The following ROBO2 variants were observed in gnomAD, a reference collection of about 807,000 sequenced individuals.
ROBO2 encodes roundabout guidance receptor 2, also known as roundabout homolog 2.
In ROBO2, 53 loss-of-function variants were observed where a neutral mutation model predicts 160.8. That is an observed-to-expected ratio of 0.33 (90% CI 0.26 to 0.41). ROBO2 has a LOEUF of 0.41. ROBO2 is among the 10% of genes least tolerant of loss of function. The pLI is 1.00. For synonymous variants in ROBO2, 664 were observed against 611.7 expected (o/e 1.09, Z -1.26); for missense variants, 1,577 against 1,722.4 (o/e 0.92, Z 1.49).
chr3:77,283,927 G>A (rs1306712789), intron 2 of ROBO2, among the ~76,000 whole-genome samples: 1 of 152,110 alleles, frequency 6.6e-6, no homozygotes, highest in Non-Finnish European at 1.5e-5. Context: ...ATCAGATTAT[G>A]CTTTACTTTT....
intron 2 of ROBO2, among the ~76,000 whole-genome samples, chr3:76,676,260 TTC>T (rs1376662347): frequency 6.6e-6 from 1 of 152,076 alleles, no homozygotes; most frequent in Non-Finnish European, 1.5e-5. Flanking sequence ...TGAGAGTGAT[TTC>T]TCATGAGATC....
intron 2 of ROBO2, among the ~76,000 whole-genome samples, chr3:76,140,560 T>A (rs1450825721): frequency 6.6e-6 from 1 of 151,928 alleles, no homozygotes; most frequent in Non-Finnish European, 1.5e-5. Context: ...CACTTTATAG[T>A]CTACCTGCCA....
chr3:76,395,426 C>T (rs2077382071), intron 2 of ROBO2, among the ~76,000 whole-genome samples: 1 of 142,972 alleles, frequency 7.0e-6, no homozygotes, highest in East Asian at 2.0e-4. Context: ...ACTAGAAAAG[C>T]AAGAGCAAAC....
chr3:77,629,688 T>C (rs2095116155), intron 23 of ROBO2: 1 of 152,228 alleles, frequency 6.6e-6, no homozygotes, highest in Non-Finnish European at 1.5e-5. Flanking sequence ...AGTGTCATCA[T>C]ATTCCTTATT....
chr3:76,240,819 G>A (rs1705239609), intron 2 of ROBO2, among the ~76,000 whole-genome samples: 1 of 152,118 alleles, frequency 6.6e-6, no homozygotes, highest in African/African-American at 2.4e-5. Flanking sequence ...AACACTGAGG[G>A]TTTTGGGCTG....
intron 2 of ROBO2, among the ~76,000 whole-genome samples, chr3:76,345,078 T>G (rs1164923680): frequency 6.6e-6 from 1 of 152,078 alleles, no homozygotes; most frequent in Admixed American, 6.6e-5. Flanking sequence ...GTGATGATGG[T>G]TTAAATTTTG....
intron 1 of ROBO2, among the ~76,000 whole-genome samples, chr3:77,088,376 A>G (rs1445498150): frequency 2.0e-5 from 3 of 152,142 alleles, no homozygotes; most frequent in South Asian, 4.1e-4. Context: ...AATTAATTAC[A>G]TATCTATTTA....
intron 2 of ROBO2, among the ~76,000 whole-genome samples, chr3:76,490,128 A>G (rs2079734491): frequency 6.6e-6 from 1 of 152,272 alleles, no homozygotes; most frequent in African/African-American, 2.4e-5. Flanking sequence ...TTAAAATGTC[A>G]CAGTCTTTTC....
chr3:76,927,799 G>A (rs1194921553), intron 2 of ROBO2, among the ~76,000 whole-genome samples: 1 of 152,042 alleles, frequency 6.6e-6, no homozygotes, highest in East Asian at 1.9e-4. Context: ...GTGAGTGCAT[G>A]GTCATTCAGT....
At chr3:76,352,486 T>G (rs1282262187) in intron 2 of ROBO2, among the ~76,000 whole-genome samples, 6 of 152,024 alleles carry the variant, frequency 3.9e-5, no homozygotes, top group Admixed American at 2.6e-4. Flanking sequence ...ATAGCTAGAA[T>G]AATTATGTGG....
chr3:77,616,023 A>C (rs1160320650), intron 21 of ROBO2, among the ~76,000 whole-genome samples: 5 of 152,226 alleles, frequency 3.3e-5, no homozygotes, highest in Non-Finnish European at 5.9e-5. Context: ...TAAGAATGAC[A>C]GCTTTCTTGA....
intron 2 of ROBO2, among the ~76,000 whole-genome samples, chr3:76,603,372 A>AAT (rs2087385402): frequency 3.6e-5 from 5 of 137,472 alleles, no homozygotes; most frequent in African/African-American, 1.4e-4. Flanking sequence ...ATATATATAT[A>AAT]TATATATATA....
intron 2 of ROBO2, among the ~76,000 whole-genome samples, chr3:77,343,680 T>C (rs904372671): frequency 3.3e-5 from 5 of 152,148 alleles, no homozygotes; most frequent in African/African-American, 1.2e-4. Flanking sequence ...GCTCTTGACA[T>C]ACAAATGAAG....
chr3:77,103,765 T>C (rs1396237729), intron 2 of ROBO2, among the ~76,000 whole-genome samples: 1 of 152,144 alleles, frequency 6.6e-6, no homozygotes, highest in Non-Finnish European at 1.5e-5. Context: ...AATGCTCCTG[T>C]TTGCTTAAAT....
At chr3:76,240,414 C>T (rs564005746) in intron 2 of ROBO2, among the ~76,000 whole-genome samples, 55 of 152,012 alleles carry the variant, frequency 3.6e-4, no homozygotes, top group African/African-American at 1.3e-3. Context: ...GTTGGTTAAC[C>T]GGATGTCCAG....
intron 2 of ROBO2, among the ~76,000 whole-genome samples, chr3:77,403,597 T>A (rs1404584873): frequency 7.7e-5 from 7 of 90,800 alleles, no homozygotes; most frequent in Non-Finnish European, 1.5e-4. Flanking sequence ...TGTGTGTGTG[T>A]GTGTGTGTGT....
chr3:77,465,888 G>A (rs1284767872), intron 2 of ROBO2, among the ~76,000 whole-genome samples: 5 of 152,108 alleles, frequency 3.3e-5, no homozygotes, highest in African/African-American at 1.2e-4. Context: ...TGAGTTTTCT[G>A]AGATAATTTA....
chr3:76,612,118 T>C (rs936050568), intron 2 of ROBO2, among the ~76,000 whole-genome samples: 3 of 152,230 alleles, frequency 2.0e-5, no homozygotes, highest in Non-Finnish European at 2.9e-5. Context: ...TCAAAGAAGA[T>C]ACCTGATATG....
intron 2 of ROBO2, among the ~76,000 whole-genome samples, chr3:76,843,139 A>G (rs2068451094): frequency 6.6e-6 from 1 of 151,532 alleles, no homozygotes; most frequent in African/African-American, 2.4e-5. Flanking sequence ...AATGCCATCA[A>G]TCACAGCATT....
Sources: gnomAD v4.1 joint callset for allele counts (sites outside exome capture counted in the v4.1 genomes callset) on GRCh38, gnomAD v4.1.1 for gene constraint, MANE v1.5 for transcripts, NCBI Gene and HGNC (gene_info 2026-07-23, HGNC 2026-07-21) for gene names.